GFPT1: variants seen among roughly 807,000 people sequenced by gnomAD.
The protein encoded by GFPT1 is glutamine--fructose-6-phosphate transaminase 1.
GFPT1 carries 40 observed loss-of-function variants against 92.0 expected under a neutral mutation model. That is an observed-to-expected ratio of 0.43 (90% CI 0.34 to 0.57). The LOEUF is 0.57. Among genes scored for constraint, GFPT1 ranks in the 20% least tolerant of loss-of-function variants. The pLI is 0.02. For missense variants in GFPT1, 448 were observed against 869.1 expected, an observed-to-expected ratio of 0.52 and a Z score of 6.09; for synonymous variants, 269 against 280.6, an observed-to-expected ratio of 0.96 and a Z score of 0.41.
chr2:69,372,430 C>T (rs1190302807), intron 2 of GFPT1, among the ~76,000 whole-genome samples: 1 of 151,838 alleles, frequency 6.6e-6, no homozygotes, highest in African/African-American at 2.4e-5. Context: ...ATTAGCCAGG[C>T]GTGGTGGTGC....
At chr2:69,348,612 T>A (rs1054268260) in intron 10 of GFPT1, among the ~76,000 whole-genome samples, 1 of 152,112 alleles carries the variant, frequency 6.6e-6, no homozygotes, top group Non-Finnish European at 1.5e-5. Context: ...CATTACCAAG[T>A]CCTGAAATTT....
At chr2:69,371,243 T>A (rs1435835082) in intron 2 of GFPT1, 2 of 138,176 alleles carry the variant, frequency 1.4e-5, no homozygotes. Context: ...GCGTGGCTAA[T>A]TTTTTTTTTT....
At chr2:69,329,534 C>T in intron 16 of GFPT1, 110 bp from the exon 17 acceptor site, 1 of 971,264 alleles carries the variant, frequency 1.0e-6, no homozygotes, top group Non-Finnish European at 1.6e-6. Flanking sequence ...TGCTATCAAT[C>T]AGTATGGGTA....
chr2:69,351,537 C>T lies in GFPT1; in HGVS notation c.740-1354G>A, dbSNP rs576746078. ...TATCAGAAATGTGCATTCAAATGTGCTATTTATCCTGAGCTGATCATTATA... is the reference window on the plus strand; with the variant it reads ...TATCAGAAATGTGCATTCAAATGTGTTATTTATCCTGAGCTGATCATTATA... On this transcript the variant is annotated intron_variant, in intron 9 of 19. Coordinates refer to ENST00000357308, the MANE Select transcript of GFPT1 (RefSeq NM_001244710.2). Among the ~76,000 whole-genome samples the T allele has an allele frequency of 5.3e-5, 8 of 152,266 alleles. No homozygotes were observed. The East Asian group carries it at 9.7e-4, about 18-fold the overall frequency.
chr2:69,357,697 G>A (rs909786924), intron 6 of GFPT1, among the ~76,000 whole-genome samples: 4 of 152,124 alleles, frequency 2.6e-5, no homozygotes, highest in African/African-American at 9.7e-5. Flanking sequence ...AGTGGGGAAG[G>A]GAAATGTAGG....
chr2:69,365,449 G>A (rs973771940), intron 3 of GFPT1, among the ~76,000 whole-genome samples: 5 of 152,186 alleles, frequency 3.3e-5, no homozygotes, highest in African/African-American at 7.2e-5. Context: ...TCCAGCCTGG[G>A]CGAAAGAGCA....
intron 3 of GFPT1, among the ~76,000 whole-genome samples, chr2:69,364,994 CAAAAAAAAAAAAAAA>C (rs58848043): frequency 2.3e-5 from 1 of 44,164 alleles, no homozygotes; most frequent in South Asian, 1.7e-3. Flanking sequence ...GACTCCCTCT[CAAAAAAAAAAAAAAA>C]AAAAAAAAAA....
chr2:69,349,946 T>C (rs1671167205), intron 10 of GFPT1, 132 bp downstream of exon 10: 1 of 707,120 alleles, frequency 1.4e-6, no homozygotes, highest in Middle Eastern at 3.4e-4. Context: ...TCCAAAATGG[T>C]CACCTGTATT....
chr2:69,376,679 T>G lies in GFPT1; in HGVS notation c.8-2566A>C, dbSNP rs959723514. Among the ~76,000 whole-genome samples the G allele has an allele frequency of 3.9e-5, 6 of 152,316 alleles. No homozygotes were observed. The East Asian group carries it at 1.2e-3, about 29-fold the overall frequency. On this transcript the variant is annotated intron_variant, in intron 1 of 19. Coordinates refer to ENST00000357308, the MANE Select transcript of GFPT1 (RefSeq NM_001244710.2). ...CAGATTGTCCAGAGCTGCCAAATTC[T>G]AAGCACATCCAGAAAAACTCACTCC...
Position 69,342,187 on chromosome 2 carries a change from T to C in GFPT1, c.1168A>G (p.Ile390Val). The change falls in exon 13 of 20, where the codon ATT becomes GTT. Residue 390 changes from isoleucine to valine, a missense_variant. This residue lies in a region of GFPT1 where 121 missense variants were observed against 304.3 expected (regional missense o/e 0.40). Coordinates refer to ENST00000357308, the MANE Select transcript of GFPT1 (RefSeq NM_001244710.2). ...EIQRCRRLIL[I>V]ACGTSYHAGV... ...GCATGGTAACTTGTTCCACAAGCAA[T>C]AAGAATCAAACGCCGGCATCTCTGG... is the stretch of plus-strand genomic sequence containing the variant. 6.2e-7 allele frequency: 1 copy of C among 1,611,290 alleles called. No homozygotes were observed. The highest frequency in any genetic ancestry group is 8.5e-7 in the Non-Finnish European group (1 of 1,177,692).
At chr2:69,346,082 T>C (rs1671074619) in intron 11 of GFPT1, 83 bp from the exon 12 acceptor site, 1 of 793,722 alleles carries the variant, frequency 1.3e-6, no homozygotes, top group Non-Finnish European at 2.2e-6. Flanking sequence ...TCCTTTAATA[T>C]AATCTTGGTA....
intron 13 of GFPT1, 123 bp from the exon 14 acceptor site, chr2:69,338,688 AAAC>A (rs1670861177): frequency 3.5e-6 from 3 of 866,344 alleles, no homozygotes; most frequent in East Asian, 5.0e-5. Flanking sequence ...TAGAAAATAA[AAAC>A]AACCCAGATT....
intron 10 of GFPT1, 94 bp downstream of exon 10, chr2:69,349,984 A>G (rs1266368107): frequency 1.2e-6 from 1 of 847,016 alleles, no homozygotes; most frequent in Admixed American, 2.0e-5. Context: ...TATCTCACAG[A>G]GCACAACTAG....
chr2:69,384,773 A>G (rs1672093360), intron 1 of GFPT1, among the ~76,000 whole-genome samples: 1 of 147,212 alleles, frequency 6.8e-6, no homozygotes, highest in Non-Finnish European at 1.5e-5. Context: ...AGAAGAAAGA[A>G]AGAAAAAGAA....
intron 1 of GFPT1, among the ~76,000 whole-genome samples, chr2:69,378,257 C>T (rs962172843): frequency 6.6e-6 from 1 of 152,198 alleles, no homozygotes; most frequent in Admixed American, 6.5e-5. Context: ...CCACTCGCCT[C>T]AGCCTCCCAA....
At chr2:69,336,932 C>G (rs1206100193) in intron 15 of GFPT1, among the ~76,000 whole-genome samples, 3 of 152,026 alleles carry the variant, frequency 2.0e-5, no homozygotes, top group Non-Finnish European at 4.4e-5. Context: ...TTCCAAAGAG[C>G]AAAGTAGTCT....
At chr2:69,336,534 A>C (rs956623463) in intron 15 of GFPT1, among the ~76,000 whole-genome samples, 31 of 152,136 alleles carry the variant, frequency 2.0e-4, no homozygotes, top group Admixed American at 1.1e-3. Context: ...CTTATTAGAT[A>C]ATCAGCAAGA....
intron 7 of GFPT1, among the ~76,000 whole-genome samples, 157 bp from the exon 8 acceptor site, chr2:69,354,725 A>G (rs1029750704): frequency 6.6e-6 from 1 of 152,150 alleles, no homozygotes; most frequent in Non-Finnish European, 1.5e-5. Flanking sequence ...TTTTAAAAAA[A>G]TCAGTATTGG....
intron 11 of GFPT1, among the ~76,000 whole-genome samples, chr2:69,346,694 A>G (rs929765499): frequency 5.4e-5 from 8 of 147,560 alleles, no homozygotes; most frequent in Non-Finnish European, 8.9e-5. Context: ...AAAATCTGAC[A>G]TATATATATA....
Sources: allele counts gnomAD v4.1 joint callset (sites outside exome capture counted in the v4.1 genomes callset), GRCh38; gene constraint gnomAD v4.1.1; regional missense constraint gnomAD v4.1.1; transcripts MANE v1.5; gene names NCBI Gene and HGNC (gene_info 2026-07-23, HGNC 2026-07-21).